Variants in ADAMTSL3 observed in about 807,000 individuals in gnomAD.
ADAMTSL3 encodes the protein ADAMTS like 3.
In ADAMTSL3, 128 loss-of-function variants were observed where a neutral mutation model predicts 201.7. The ratio of observed to expected loss-of-function variants is 0.63; its 90% CI spans 0.55 to 0.73. The LOEUF is 0.73. ADAMTSL3 is among the 30% of genes least tolerant of loss of function. ADAMTSL3 has a pLI of 0.00. For synonymous variants in ADAMTSL3, 738 were observed against 748.4 expected (o/e 0.99, Z 0.23); for missense variants, 1,990 against 2,119.6 (o/e 0.94, Z 1.20).
At chr15:83,740,105 T>G (rs569759706) in intron 3 of ADAMTSL3, 7 of 284,954 alleles carry the variant, frequency 2.5e-5, no homozygotes, top group African/African-American at 1.3e-4. Flanking sequence ...CGGTGGCCAC[T>G]TACACCATTG....
At chr15:83,830,150 A>G (rs2064123880) in intron 6 of ADAMTSL3, among the ~76,000 whole-genome samples, 1 of 152,146 alleles carries the variant, frequency 6.6e-6, no homozygotes, top group African/African-American at 2.4e-5. Context: ...ATTGGGTGAG[A>G]ACAGGGGGCA....
chr15:84,016,913 A>G (rs748949096), intron 25 of ADAMTSL3, among the ~76,000 whole-genome samples: 1 of 152,174 alleles, frequency 6.6e-6, no homozygotes, highest in Non-Finnish European at 1.5e-5. Flanking sequence ...TCAGTGCTTA[A>G]TCAGGAGAAC....
chr15:83,803,891 C>T (rs1409858005), intron 4 of ADAMTSL3, among the ~76,000 whole-genome samples: 1 of 152,120 alleles, frequency 6.6e-6, no homozygotes, highest in Non-Finnish European at 1.5e-5. Context: ...GCCTGTAATC[C>T]CAGCACTTTG....
intron 6 of ADAMTSL3, among the ~76,000 whole-genome samples, chr15:83,829,087 T>C (rs2064093036): frequency 6.6e-6 from 1 of 152,208 alleles, no homozygotes; most frequent in Admixed American, 6.5e-5. Flanking sequence ...ATTGGAATAG[T>C]TTCAGAAGGA....
chr15:83,718,156 A>G (rs2062045024), intron 3 of ADAMTSL3, among the ~76,000 whole-genome samples: 1 of 152,198 alleles, frequency 6.6e-6, no homozygotes, highest in South Asian at 2.1e-4. Context: ...AAAAGGCATA[A>G]TAACAATGAG....
intron 4 of ADAMTSL3, among the ~76,000 whole-genome samples, chr15:83,801,031 A>G (rs1433320790): frequency 6.6e-6 from 1 of 152,216 alleles, no homozygotes; most frequent in Non-Finnish European, 1.5e-5. Context: ...TCTCCACACC[A>G]GTACATTTTT....
chr15:83,871,736 C>A (rs2141829842), intron 9 of ADAMTSL3, among the ~76,000 whole-genome samples: 1 of 152,236 alleles, frequency 6.6e-6, no homozygotes, highest in South Asian at 2.1e-4. Flanking sequence ...CAATATATTT[C>A]CAAGGTGACA....
intron 3 of ADAMTSL3, among the ~76,000 whole-genome samples, chr15:83,773,020 A>G (rs1056415211): frequency 3.9e-5 from 6 of 152,266 alleles, no homozygotes; most frequent in African/African-American, 9.6e-5. Flanking sequence ...CTTAAAAGCT[A>G]TCTCGACAAA....
At chr15:83,756,097 T>C (rs1326042764) in intron 3 of ADAMTSL3, among the ~76,000 whole-genome samples, 1 of 152,192 alleles carries the variant, frequency 6.6e-6, no homozygotes, top group Non-Finnish European at 1.5e-5. Flanking sequence ...TACACAGCAG[T>C]GGAATTGCTG....
intron 16 of ADAMTSL3, among the ~76,000 whole-genome samples, chr15:83,914,574 G>A (rs919086929): frequency 6.6e-6 from 1 of 152,214 alleles, no homozygotes; most frequent in African/African-American, 2.4e-5. Context: ...AGTTGCACAT[G>A]TGGACTTTAG....
chr15:83,991,538 T>C (rs1317419342), intron 23 of ADAMTSL3, among the ~76,000 whole-genome samples: 2 of 152,202 alleles, frequency 1.3e-5, no homozygotes, highest in Non-Finnish European at 2.9e-5. Flanking sequence ...GGCCAACTTT[T>C]AGTCAGAGGG....
At chr15:83,897,717 C>A in intron 13 of ADAMTSL3, 141 bp from the exon 14 acceptor site, 1 of 923,614 alleles carries the variant, frequency 1.1e-6, no homozygotes, top group Non-Finnish European at 1.5e-6. Context: ...GCCTCTGTAC[C>A]CTTCCTTACA....
At chr15:83,704,013 A>AAC (rs1374299589) in intron 2 of ADAMTSL3, among the ~76,000 whole-genome samples, 2 of 150,354 alleles carry the variant, frequency 1.3e-5, no homozygotes, top group Admixed American at 6.6e-5. Flanking sequence ...CAAAAAAAAA[A>AAC]AAAAACACAA....
At chr15:83,655,596 C>A in intron 1 of ADAMTSL3, 133 bp from the exon 2 acceptor site, 1 of 655,604 alleles carries the variant, frequency 1.5e-6, no homozygotes, top group Non-Finnish European at 2.6e-6. Flanking sequence ...GCAGCGGCAA[C>A]CTGGGCCAAC....
At chr15:83,909,521 C>T (rs2065896364) in intron 15 of ADAMTSL3, among the ~76,000 whole-genome samples, 1 of 152,058 alleles carries the variant, frequency 6.6e-6, no homozygotes, top group Admixed American at 6.5e-5. Flanking sequence ...TAACTTAGTC[C>T]CTTAAAATTG....
Position 84,039,273 on chromosome 15 carries a change from A to G in ADAMTSL3, c.*1467A>G, listed in dbSNP as rs2068563413. 1 of 152,630 alleles carries G rather than the reference A, an allele frequency of 6.6e-6. No homozygotes were observed. The highest frequency in any genetic ancestry group is 6.5e-5 in the Admixed American group (1 of 15,272). The allele number at this position is 152,630 out of a possible 1,614,324, so 9.5% of individuals were successfully genotyped here. On this transcript the variant is annotated 3_prime_UTR_variant, in exon 30 of 30. Coordinates refer to ENST00000286744, the MANE Select transcript of ADAMTSL3 (RefSeq NM_207517.3). ...TGCTGAGCCTAGTTCCTGGTCAGTA[A>G]TAACTGAACAGTGCATTTTGGCTTT...
intron 8 of ADAMTSL3, among the ~76,000 whole-genome samples, chr15:83,864,731 C>A (rs1567198693): frequency 2.0e-5 from 3 of 152,178 alleles, no homozygotes. Flanking sequence ...TCTCACCACT[C>A]CTATTCAACA....
At position 84,039,552 on chromosome 15, in the gene ADAMTSL3, TA is replaced by T. The variant is rs1180853883; in HGVS notation, c.*1747del. 6.6e-6 allele frequency: 1 copy of T among 152,650 alleles called. No homozygotes were observed. Among genetic ancestry groups the T allele is most frequent in the Non-Finnish European group, 1.5e-5 (1 of 68,038 alleles). 9.5% of individuals were successfully genotyped at this position (152,650 alleles called of 1,614,324 possible). ...TTGTAACATACTCTTTGTATATATTTATTATATGAAAGGTGCAATATTTTAT... is the reference window on the plus strand; with the variant it reads ...TTGTAACATACTCTTTGTATATATTTTTATATGAAAGGTGCAATATTTTAT... On this transcript the variant is annotated 3_prime_UTR_variant, in exon 30 of 30. Coordinates refer to ENST00000286744, the MANE Select transcript of ADAMTSL3 (RefSeq NM_207517.3).
chr15:83,839,172 G>T (rs1056396087), intron 7 of ADAMTSL3, among the ~76,000 whole-genome samples: 3 of 151,998 alleles, frequency 2.0e-5, no homozygotes, highest in South Asian at 2.1e-4. Context: ...GGTGAGTTCC[G>T]CCAAAGATTT....
Sources: allele counts gnomAD v4.1 joint callset (sites outside exome capture counted in the v4.1 genomes callset), GRCh38; gene constraint gnomAD v4.1.1; transcripts MANE v1.5; gene names NCBI Gene and HGNC (gene_info 2026-07-23, HGNC 2026-07-21).